OGT: variants seen among roughly 807,000 people sequenced by gnomAD.
The protein encoded by OGT is O-linked N-acetylglucosamine (GlcNAc) transferase.
Under a neutral mutation model 75.8 loss-of-function variants are expected in OGT, and 3 were observed. That is an observed-to-expected ratio of 0.04 (90% CI 0.02 to 0.10). The LOEUF (loss-of-function observed/expected upper bound fraction) is 0.10, where lower values mean the gene tolerates loss of function less well. Among genes scored for constraint, OGT ranks in the 10% least tolerant of loss-of-function variants. The pLI is 1.00. For synonymous variants in OGT, 257 were observed against 289.7 expected (o/e 0.89, Z 1.15); for missense variants, 260 against 824.4 (o/e 0.32, Z 8.38).
intron 7 of OGT, 112 bp downstream of exon 7, chrX:71,555,497 G>A: frequency 2.0e-5 from 14 of 696,104 alleles, no homozygotes; most frequent in Non-Finnish European, 3.0e-5. Context: ...CGAGATCAGA[G>A]GATTGCTTGA....
At chrX:71,535,125 GT>G (rs762135465) in intron 1 of OGT, among the ~76,000 whole-genome samples, 2,265 of 88,166 alleles carry the variant, frequency 0.026, 61 homozygotes, top group African/African-American at 0.076. Flanking sequence ...GTGACAAGCA[GT>G]TTTTTTTTTT....
intron 19 of OGT, 142 bp downstream of exon 19, chrX:71,564,895 G>C: frequency 2.4e-6 from 1 of 417,769 alleles, no homozygotes; most frequent in Non-Finnish European, 4.0e-6. Flanking sequence ...AGTGGCTCAC[G>C]CCTGTAATCC....
rs1357458139 is a variant in OGT at position 71,574,945 on chromosome X, A to G, written c.*1151A>G. 1 of 111,264 alleles carries G rather than the reference A, an allele frequency of 9.0e-6. No individual in the cohort carries two copies. Among genetic ancestry groups the G allele is most frequent in the Non-Finnish European group, 1.9e-5 (1 of 53,021 alleles). The allele number at this position is 111,264 out of a possible 1,213,427, so 9.2% of individuals were successfully genotyped here. On this transcript the variant is annotated 3_prime_UTR_variant, in exon 22 of 22. Coordinates refer to ENST00000373719, the MANE Select transcript of OGT (RefSeq NM_181672.3). ...GGATCATCTATGTATTCAAGTAATT[A>G]TTTTTTAGATAATAACTGTCTTCTG...
At chrX:71,573,595 TG>T (rs2040472322) in intron 21 of OGT, 24 bp from the exon 22 acceptor site, 1 of 1,157,242 alleles carries the variant, frequency 8.6e-7, no homozygotes, top group Non-Finnish European at 1.1e-6. Context: ...ATTTGTAAAC[TG>T]GGTTCTTGTT....
rs1041423744 is a variant in OGT, at chrX:71,574,393, C to T, written c.*599C>T. ...TGTCTGACCTAATATTTGGAGCTAT[C>T]AGTGCTTTGTTGATTTAGATGATGA... On this transcript the variant is annotated 3_prime_UTR_variant, in exon 22 of 22. Coordinates refer to ENST00000373719, the MANE Select transcript of OGT (RefSeq NM_181672.3). The T allele has an allele frequency of 9.0e-6, 1 of 111,015 alleles. No homozygotes were observed. The highest frequency in any genetic ancestry group is 3.3e-5 in the African/African-American group (1 of 30,431). 9.1% of individuals were successfully genotyped at this position (111,015 alleles called of 1,213,427 possible).
chrX:71,538,041 A>C lies in OGT; in HGVS notation c.431A>C (p.Gln144Pro). 8.3e-7 allele frequency: 1 copy of C among 1,211,774 alleles called. No homozygotes were observed. Among genetic ancestry groups the C allele is most frequent in the Non-Finnish European group, 1.1e-6 (1 of 895,360 alleles). Residue 144 changes from glutamine (Q) to proline (P), a missense_variant, in exon 3 of 22, where the codon CAA becomes CCA. Around this residue, in one of 6 missense-constraint regions of OGT, gnomAD observed 38 missense variants for 117.1 expected, o/e 0.32. Coordinates refer to ENST00000373719, the MANE Select transcript of OGT (RefSeq NM_181672.3). ...GCGGGTGACATGGAAGGGGCAGTAC[A>C]AGCTTACGTCTCTGCTCTTCAGTAC... ...VAAGDMEGAVQAYVSALQYNP... is the reference protein window; with the variant it reads ...VAAGDMEGAVPAYVSALQYNP...
intron 6 of OGT, 104 bp downstream of exon 6, chrX:71,554,696 C>T: frequency 3.3e-6 from 2 of 600,468 alleles, no homozygotes; most frequent in East Asian, 3.4e-5. Flanking sequence ...GCATATTTGC[C>T]TTTTCTAGCA....
intron 1 of OGT, among the ~76,000 whole-genome samples, chrX:71,533,846 ATCAC>A (rs1248612544): frequency 9.1e-6 from 1 of 109,824 alleles, no homozygotes; most frequent in Non-Finnish European, 1.9e-5. Context: ...CTCACTTTGC[ATCAC>A]CCGAGGACGA....
intron 4 of OGT, chrX:71,546,829 C>T: frequency 4.0e-6 from 3 of 754,480 alleles, no homozygotes; most frequent in African/African-American, 2.3e-5. Context: ...GCATTGCGTG[C>T]GAATGAACCC....
chrX:71,545,400 C>T (rs2040252445), intron 4 of OGT: 1 of 112,475 alleles, frequency 8.9e-6, no homozygotes, highest in South Asian at 3.6e-4. Context: ...TTCTGTGTTT[C>T]CAAATAATGA....
chrX:71,568,342 C>T (rs186086591), intron 21 of OGT, among the ~76,000 whole-genome samples: 6 of 111,753 alleles, frequency 5.4e-5, no homozygotes, highest in South Asian at 7.3e-4. Flanking sequence ...AAAAAGCAAA[C>T]GAGGGGAAAA....
At chrX:71,546,595 TA>T (rs2040260481) in intron 4 of OGT, 1 of 740,875 alleles carries the variant, frequency 1.3e-6, no homozygotes, top group East Asian at 1.5e-4. Context: ...ACAAGCAAGT[TA>T]TGTAAGAGAA....
chrX:71,570,216 T>C (rs2040448111), intron 21 of OGT, among the ~76,000 whole-genome samples: 1 of 106,160 alleles, frequency 9.4e-6, no homozygotes, highest in Non-Finnish European at 1.9e-5. Context: ...AATTTTTGTA[T>C]TTTTAGTGGA....
chrX:71,544,731 C>T lies in OGT; in HGVS notation c.531+96C>T. On this transcript the variant is annotated intron_variant, in intron 4 of 21. Transcript: ENST00000373719. ...TCTTCATTGAGCTATCTTCACAAAACAGTCCTTTGAAACTGAGGAAAACTG... is the reference window on the plus strand; with the variant it reads ...TCTTCATTGAGCTATCTTCACAAAATAGTCCTTTGAAACTGAGGAAAACTG... 4 of 713,627 alleles carry T rather than the reference C, an allele frequency of 5.6e-6. No homozygotes were observed. The Admixed American group carries it at 8.0e-5, about 14-fold the overall frequency. 58.8% of individuals were successfully genotyped at this position (713,627 alleles called of 1,213,427 possible). A position where few individuals can be genotyped will look rare whatever the true frequency, so the allele number is the denominator to read the frequency against.
At chrX:71,566,552 C>G (rs2040417809) in intron 19 of OGT, among the ~76,000 whole-genome samples, 1 of 111,871 alleles carries the variant, frequency 8.9e-6, no homozygotes, top group South Asian at 3.7e-4. Context: ...ATCACAAGAA[C>G]AGCAGCATTG....
Position 71,563,398 on chromosome X carries a change from A to G in OGT, c.2335A>G (p.Met779Val), listed in dbSNP as rs1179616611. The change falls in exon 18 of 22, where the codon ATG becomes GTG. Residue 779 changes from methionine (M) to valine (V), a missense_variant. Physicochemically the swap from Met to Val is conservative, Grantham distance 21 (BLOSUM62 1). This residue lies in a region of OGT where 79 missense variants were observed against 141.0 expected (regional missense o/e 0.56). Coordinates refer to ENST00000373719, the MANE Select transcript of OGT (RefSeq NM_181672.3). Reference protein sequence around the residue: ...NTALNMPVIPMNTIAEAVIEM... With the variant: ...NTALNMPVIPVNTIAEAVIEM... ...AGCTCTTAATATGCCTGTTATTCCT[A>G]TGAATACTATTGCAGAAGCAGTTAT... 8 of 1,201,767 alleles carry G rather than the reference A, an allele frequency of 6.7e-6. No homozygotes were observed. Among genetic ancestry groups the G allele is most frequent in the Non-Finnish European group, 9.0e-6 (8 of 887,814 alleles).
intron 4 of OGT, chrX:71,546,805 C>T (rs1333211169): frequency 1.2e-5 from 9 of 754,479 alleles, no homozygotes; most frequent in Non-Finnish European, 1.4e-5. Flanking sequence ...GCAAAGGCTG[C>T]GCAGCGTTAA....
intron 5 of OGT, among the ~76,000 whole-genome samples, chrX:71,553,327 C>G (rs1194897141): frequency 8.9e-6 from 1 of 112,085 alleles, no homozygotes; most frequent in Non-Finnish European, 1.9e-5. Flanking sequence ...CTCCGGGCCT[C>G]AAGTGATCTG....
chrX:71,573,543 C>T (rs748942452), intron 21 of OGT, 77 bp from the exon 22 acceptor site: 5 of 916,344 alleles, frequency 5.5e-6, no homozygotes, highest in Middle Eastern at 3.0e-4. Flanking sequence ...GCCACAAATG[C>T]GACTAGGTAT....
Sources: allele counts gnomAD v4.1 joint callset (sites outside exome capture counted in the v4.1 genomes callset), GRCh38; gene constraint gnomAD v4.1.1; regional missense constraint gnomAD v4.1.1; transcripts MANE v1.5; gene names NCBI Gene and HGNC (gene_info 2026-07-23, HGNC 2026-07-21).